Variants in HSF2BP observed in about 807,000 individuals in gnomAD.
HSF2BP encodes heat shock transcription factor 2 binding protein, also known as heat shock factor 2-binding protein.
A neutral mutation model predicts 35.0 loss-of-function variants in HSF2BP; 35 were observed. The ratio of observed to expected loss-of-function variants is 1.00; its 90% CI spans 0.76 to 1.32. The LOEUF is 1.32. Among genes scored for constraint, HSF2BP ranks in the 40% most tolerant of loss-of-function variants. The probability of loss-of-function intolerance (pLI) is 0.00; values close to 1 mark genes in which losing one functional copy is unlikely to be tolerated. For missense variants in HSF2BP, 326 were observed against 321.7 expected (o/e 1.01, Z -0.10); for synonymous variants, 114 against 117.4 (o/e 0.97, Z 0.18).
chr21:43,611,052 A>G (rs2082197687), intron 7 of HSF2BP, among the ~76,000 whole-genome samples: 1 of 152,182 alleles, frequency 6.6e-6, no homozygotes, highest in Non-Finnish European at 1.5e-5. Context: ...CCTGGGCAAC[A>G]TGGAGAGACC....
chr21:43,580,348 G>A (rs540766379), intron 8 of HSF2BP, among the ~76,000 whole-genome samples: 1 of 152,182 alleles, frequency 6.6e-6, no homozygotes, highest in Non-Finnish European at 1.5e-5. Context: ...AGTTTCTATT[G>A]CGCTCAGCTT....
At chr21:43,600,448 A>C (rs1455808436) in intron 7 of HSF2BP, among the ~76,000 whole-genome samples, 1 of 152,242 alleles carries the variant, frequency 6.6e-6, no homozygotes, top group East Asian at 1.9e-4. Context: ...AATAAGTAAT[A>C]AAATTCTTAC....
chr21:43,636,900 A>C (rs1246346036), intron 4 of HSF2BP, among the ~76,000 whole-genome samples: 9 of 150,828 alleles, frequency 6.0e-5, no homozygotes, highest in African/African-American at 1.7e-4. Flanking sequence ...AAAACAAAAA[A>C]AAAAAAAAAA....
chr21:43,572,437 G>A (rs1346752118), intron 8 of HSF2BP, among the ~76,000 whole-genome samples: 7 of 152,202 alleles, frequency 4.6e-5, no homozygotes, highest in Admixed American at 6.5e-5. Context: ...GGGGCAAGAC[G>A]CACCCTCAGG....
At chr21:43,633,456 G>T in intron 4 of HSF2BP, 35 bp from the exon 5 acceptor site, 1 of 1,551,630 alleles carries the variant, frequency 6.4e-7, no homozygotes, top group Non-Finnish European at 8.8e-7. Flanking sequence ...ATAAATAATA[G>T]CATTCAACCT....
intron 4 of HSF2BP, among the ~76,000 whole-genome samples, chr21:43,639,088 G>A (rs761044240): frequency 5.9e-5 from 9 of 152,130 alleles, no homozygotes; most frequent in Non-Finnish European, 1.0e-4. Flanking sequence ...ACTGGACAAC[G>A]ATAAGCCAAA....
At chr21:43,607,239 G>A (rs774094229) in intron 7 of HSF2BP, among the ~76,000 whole-genome samples, 6 of 151,464 alleles carry the variant, frequency 4.0e-5, no homozygotes, top group Non-Finnish European at 5.9e-5. Context: ...GCAGTGAGCC[G>A]TGATTATGCC....
intron 7 of HSF2BP, among the ~76,000 whole-genome samples, chr21:43,609,414 G>T (rs1249565019): frequency 1.3e-5 from 2 of 152,078 alleles, no homozygotes; most frequent in African/African-American, 2.4e-5. Context: ...ACCTGCACAT[G>T]TACCCCCTGA....
chr21:43,636,703 C>T (rs1025161586), intron 4 of HSF2BP, among the ~76,000 whole-genome samples: 1 of 152,028 alleles, frequency 6.6e-6, no homozygotes, highest in African/African-American at 2.4e-5. Flanking sequence ...ACCAGTCTGG[C>T]CAACATGGTG....
At chr21:43,657,694 C>G (rs1056275688) in intron 2 of HSF2BP, among the ~76,000 whole-genome samples, 1 of 152,266 alleles carries the variant, frequency 6.6e-6, no homozygotes, top group South Asian at 2.1e-4. Flanking sequence ...GGCAGATTCT[C>G]TCTAAGCCTG....
At position 43,573,894 on chromosome 21, in the gene HSF2BP, G is replaced by A. The variant is rs17004579; in HGVS notation, c.796+18331C>T. On this transcript the variant is annotated intron_variant, in intron 8 of 8. Coordinates refer to ENST00000291560, the MANE Select transcript of HSF2BP (RefSeq NM_007031.2). ...TCCCAACCTTTCGGGGCAACCTCGT[G>A]ATGAGTAGTTTCGTTTGCTAAGTCG... 2.6e-3 allele frequency among the ~76,000 whole-genome samples: 398 copies of A among 152,362 alleles called. 2 individuals carry two copies. The highest frequency in any genetic ancestry group is 8.9e-3 in the African/African-American group (372 of 41,588).
intron 5 of HSF2BP, among the ~76,000 whole-genome samples, chr21:43,632,502 T>G (rs1014897989): frequency 6.8e-6 from 1 of 147,436 alleles, no homozygotes; most frequent in Non-Finnish European, 1.5e-5. Context: ...CACACACAGT[T>G]GAACCTTGAA....
chr21:43,578,211 AGG>A (rs2146689927), intron 8 of HSF2BP, among the ~76,000 whole-genome samples: 1 of 152,276 alleles, frequency 6.6e-6, no homozygotes, highest in East Asian at 1.9e-4. Flanking sequence ...TAAGATGGCT[AGG>A]GCTGGCTCAG....
intron 6 of HSF2BP, among the ~76,000 whole-genome samples, chr21:43,615,546 A>G (rs150125913): frequency 1.5e-4 from 23 of 152,216 alleles, no homozygotes; most frequent in African/African-American, 5.5e-4. Flanking sequence ...AGTCTACTAA[A>G]CCTAACAGAT....
intron 8 of HSF2BP, among the ~76,000 whole-genome samples, chr21:43,574,273 G>A (rs1023964094): frequency 6.6e-6 from 1 of 151,788 alleles, no homozygotes; most frequent in Non-Finnish European, 1.5e-5. Context: ...TGACTCCTCT[G>A]AAGACATCAG....
intron 5 of HSF2BP, among the ~76,000 whole-genome samples, chr21:43,630,816 T>C (rs560550013): frequency 8.5e-5 from 13 of 152,178 alleles, no homozygotes; most frequent in East Asian, 3.9e-4. Flanking sequence ...AGCATAACTT[T>C]TTTCAAAAAA....
chr21:43,625,789 A>G (rs2082382511), intron 6 of HSF2BP, among the ~76,000 whole-genome samples: 1 of 152,024 alleles, frequency 6.6e-6, no homozygotes, highest in Admixed American at 6.6e-5. Context: ...CCACTATCCA[A>G]CTCTTCATAA....
chr21:43,586,286 C>A (rs2081850069), intron 8 of HSF2BP, among the ~76,000 whole-genome samples: 1 of 152,024 alleles, frequency 6.6e-6, no homozygotes, highest in Non-Finnish European at 1.5e-5. Context: ...GAAGGGAAGA[C>A]AAATGAAATC....
intron 4 of HSF2BP, among the ~76,000 whole-genome samples, chr21:43,638,176 G>A (rs373701930): frequency 1.4e-4 from 22 of 152,252 alleles, no homozygotes; most frequent in African/African-American, 5.3e-4. Flanking sequence ...AAAGACTACA[G>A]GGGCCGGGTG....
Sources: gnomAD v4.1 joint callset for allele counts (sites outside exome capture counted in the v4.1 genomes callset) on GRCh38, gnomAD v4.1.1 for gene constraint, MANE v1.5 for transcripts, NCBI Gene and HGNC (gene_info 2026-07-23, HGNC 2026-07-21) for gene names.